TJP1: variants seen among roughly 807,000 people sequenced by gnomAD.
TJP1 encodes tight junction protein ZO-1.
TJP1 carries 43 observed loss-of-function variants against 194.2 expected under a neutral mutation model. The observed-to-expected ratio is 0.22, with a 90% CI of 0.17 to 0.29. The LOEUF (loss-of-function observed/expected upper bound fraction) is 0.29, where lower values mean the gene tolerates loss of function less well. Among genes scored for constraint, TJP1 ranks in the 10% least tolerant of loss-of-function variants. The pLI, the probability that TJP1 is intolerant of heterozygous loss-of-function variation, is 1.00. For missense variants in TJP1, 1,971 were observed against 2,185.7 expected (o/e 0.90, Z 1.96); for synonymous variants, 801 against 779.0 (o/e 1.03, Z -0.47).
chr15:29,705,098 A>AG (rs2041810522), intron 26 of TJP1, among the ~76,000 whole-genome samples: 1 of 152,224 alleles, frequency 6.6e-6, no homozygotes, highest in Non-Finnish European at 1.5e-5. Context: ...TACTAGTGCT[A>AG]GGTTCTGGGG....
intron 2 of TJP1, among the ~76,000 whole-genome samples, chr15:29,906,901 A>C (rs1209346409): frequency 6.6e-6 from 1 of 152,010 alleles, no homozygotes; most frequent in Non-Finnish European, 1.5e-5. Context: ...TTTGATGATA[A>C]GGTTATTCAA....
chr15:29,968,836 G>C, exon 1 of TJP1: 1 of 939,658 alleles, frequency 1.1e-6, no homozygotes, highest in Non-Finnish European at 1.4e-6. Flanking sequence ...TCCAGGCGCC[G>C]CATAGATCAG....
intron 8 of TJP1, among the ~76,000 whole-genome samples, chr15:29,748,524 T>C (rs138682645): frequency 3.3e-5 from 5 of 151,640 alleles, no homozygotes; most frequent in African/African-American, 9.7e-5. Context: ...AATTGTGAGG[T>C]TGTGATAATG....
chr15:29,807,525 T>C (rs1244071796), intron 1 of TJP1, among the ~76,000 whole-genome samples: 1 of 152,168 alleles, frequency 6.6e-6, no homozygotes, highest in Non-Finnish European at 1.5e-5. Context: ...ATAGCAGAGA[T>C]GAAGAGAGAG....
rs1342769839 is a variant in TJP1 at position 29,766,263 on chromosome 15, T to G, written c.589+3A>C. 6.2e-7 allele frequency: 1 copy of G among 1,607,224 alleles called. No individual in the cohort carries two copies. On this transcript the variant is annotated splice_donor_region_variant and intron_variant, in intron 5 of 27. Transcript: ENST00000614355. ...AAAAACAGCAAGAGTTGGCAGAGAA[T>G]ACCTTCATTTTTCCGGGATTTCACC...
chr15:29,743,907 A>G (rs573626320), intron 8 of TJP1, among the ~76,000 whole-genome samples: 31 of 152,334 alleles, frequency 2.0e-4, no homozygotes, highest in Admixed American at 3.9e-4. Flanking sequence ...TCGGCCGGGC[A>G]CAGTAGCTCA....
intron 2 of TJP1, among the ~76,000 whole-genome samples, chr15:29,928,528 C>T (rs1440302714): frequency 6.6e-6 from 1 of 152,192 alleles, no homozygotes; most frequent in Non-Finnish European, 1.5e-5. Context: ...CAAGGTTATA[C>T]ATCCAACAGA....
chr15:29,883,272 T>C (rs1415701117), intron 2 of TJP1, among the ~76,000 whole-genome samples: 3 of 139,628 alleles, frequency 2.1e-5, no homozygotes, highest in Non-Finnish European at 4.7e-5. Flanking sequence ...GCTGGGTCCG[T>C]TTCCTGCAGC....
At chr15:29,911,967 T>C (rs1197645713) in intron 2 of TJP1, among the ~76,000 whole-genome samples, 1 of 152,146 alleles carries the variant, frequency 6.6e-6, no homozygotes, top group East Asian at 1.9e-4. Context: ...AAGATGAGTG[T>C]CTTAGTCACC....
At chr15:29,766,614 G>A in intron 4 of TJP1, 72 bp from the exon 5 acceptor site, 1 of 1,417,642 alleles carries the variant, frequency 7.1e-7, no homozygotes, top group Non-Finnish European at 9.4e-7. Flanking sequence ...AAAGAGAAAG[G>A]AATATTACAC....
rs2042770519 is a variant in TJP1, at chr15:29,719,068, C to G, written c.3074G>C (p.Ser1025Thr). Residue 1025 changes from serine to threonine, a missense_variant, in exon 21 of 28, where the codon AGT (serine) becomes ACT (threonine). Around this residue, in one of 5 missense-constraint regions of TJP1, gnomAD observed 1,108 missense variants for 1,128.5 expected, o/e 0.98. Transcript: ENST00000614355. ...QNHVLKQPAVSHPGHRPDKEP... is the reference protein window; with the variant it reads ...QNHVLKQPAVTHPGHRPDKEP... ...TTTGTCTGGCCTGTGCCCTGGGTGA[C>G]TAACGGCTGGCTGTTTCAAAACATG... The G allele has an allele frequency of 6.2e-7, 1 of 1,614,148 alleles. No individual in the cohort carries two copies. The highest frequency in any genetic ancestry group is 1.3e-5 in the African/African-American group (1 of 75,030).
chr15:29,891,049 C>T (rs2053290725), intron 2 of TJP1, among the ~76,000 whole-genome samples: 1 of 152,232 alleles, frequency 6.6e-6, no homozygotes, highest in African/African-American at 2.4e-5. Flanking sequence ...GCATCTTTTC[C>T]AAAGATACTT....
At chr15:29,763,742 TGAGA>T (rs967938439) in intron 5 of TJP1, among the ~76,000 whole-genome samples, 4 of 132,090 alleles carry the variant, frequency 3.0e-5, no homozygotes, top group African/African-American at 1.1e-4. Flanking sequence ...ACTCCAAGCC[TGAGA>T]GAGAGAGTGA....
At chr15:29,912,904 T>C (rs941926799) in intron 2 of TJP1, among the ~76,000 whole-genome samples, 3 of 152,186 alleles carry the variant, frequency 2.0e-5, no homozygotes, top group African/African-American at 4.8e-5. Context: ...AGTAATTTCA[T>C]ACGGTTTAAC....
Position 29,716,673 on chromosome 15 carries a change from G to C in TJP1, c.4140C>G (p.Leu1380=), listed in dbSNP as rs1305192677. 4.3e-6 allele frequency: 7 copies of C among 1,613,992 alleles called. No individual in the cohort carries two copies. Among genetic ancestry groups the C allele is most frequent in the Non-Finnish European group, 5.9e-6 (7 of 1,179,988 alleles). The part of the protein sequence containing the change: ...KPPAHIAASH[L]SEPAKPAHSQ... Reference sequence around the variant, plus strand: ...AATGCGCTGGCTTTGCAGGCTCGGAGAGATGGCTGGCGGCAATGTGTGCAG... The same window carrying C: ...AATGCGCTGGCTTTGCAGGCTCGGACAGATGGCTGGCGGCAATGTGTGCAG... Residue 1380 remains leucine (L), a synonymous_variant, in exon 23 of 28, where the codon CTC becomes CTG. Transcript: ENST00000614355.
chr15:29,943,376 T>A (rs2055152179), intron 2 of TJP1, among the ~76,000 whole-genome samples: 1 of 152,202 alleles, frequency 6.6e-6, no homozygotes, highest in South Asian at 2.1e-4. Flanking sequence ...ACGCCTGTAA[T>A]CCCAGCACTT....
intron 23 of TJP1, among the ~76,000 whole-genome samples, chr15:29,715,448 T>G (rs1419401415): frequency 6.6e-6 from 1 of 152,236 alleles, no homozygotes; most frequent in Admixed American, 6.5e-5. Context: ...AAAGCAGTGG[T>G]AATTAAAATT....
rs866560917 is a variant in TJP1, at chr15:29,720,432, G to A, written c.2689C>T (p.Pro897Ser). The A allele has an allele frequency of 6.2e-7, 1 of 1,614,074 alleles. No individual in the cohort carries two copies. The highest frequency in any genetic ancestry group is 1.7e-4 in the Middle Eastern group (1 of 6,060). The change falls in exon 19 of 28, where the codon CCT becomes TCT. Residue 897 changes from proline to serine, a missense_variant. Coordinates refer to ENST00000614355, the MANE Select transcript of TJP1 (RefSeq NM_001330239.4). The part of the protein sequence containing the change: ...GMHHENQTYP[P>S]YSPQAQPQPI... The stretch of plus-strand genomic sequence containing the variant: ...TGTGGCTGCGCTTGTGGTGAGTAAG[G>A]AGGATATGTTTGGTTTTCATGATGC...
Position 29,766,277 on chromosome 15 carries a change from C to T in TJP1, c.578G>A (p.Arg193Gln), listed in dbSNP as rs376188031. ...KPTKVTLVKSRKNEEYGLRLA... is the reference protein window; with the variant it reads ...KPTKVTLVKSQKNEEYGLRLA... ...TTGGCAGAGAATACCTTCATTTTTC[C>T]GGGATTTCACCAGTGTGACTTTAGT... The change falls in exon 5 of 28, where the codon CGG (arginine) becomes CAG (glutamine). Residue 193 changes from arginine to glutamine, a missense_variant. Transcript: ENST00000614355. 68 of 1,604,328 alleles carry T rather than the reference C, an allele frequency of 4.2e-5. No homozygotes were observed. The East Asian group carries it at 6.5e-4, about 15-fold the overall frequency.
Sources: gnomAD v4.1 joint callset for allele counts (sites outside exome capture counted in the v4.1 genomes callset) on GRCh38, gnomAD v4.1.1 for gene constraint, gnomAD v4.1.1 regional missense constraint, MANE v1.5 for transcripts, NCBI Gene and HGNC (gene_info 2026-07-23, HGNC 2026-07-21) for gene names.